Variants in TACC1 observed in about 807,000 individuals in gnomAD.
TACC1 encodes transforming acidic coiled-coil-containing protein 1.
TACC1 carries 48 observed loss-of-function variants against 84.4 expected under a neutral mutation model. That is an observed-to-expected ratio of 0.57 (90% CI 0.45 to 0.72). The LOEUF is 0.72. Ranked by LOEUF, TACC1 falls within the 30% of genes least tolerant of loss-of-function variation. TACC1 has a pLI of 0.00. For missense variants in TACC1, 920 were observed against 973.0 expected, an observed-to-expected ratio of 0.95 and a Z score of 0.72; for synonymous variants, 372 against 376.3, an observed-to-expected ratio of 0.99 and a Z score of 0.13.
intron 2 of TACC1, among the ~76,000 whole-genome samples, chr8:38,800,338 A>C (rs1309422742): frequency 6.6e-6 from 1 of 152,164 alleles, no homozygotes; most frequent in Non-Finnish European, 1.5e-5. Context: ...TTGTACAACT[A>C]TTATCTCAAT....
At chr8:38,804,281 A>G (rs1266820844) in intron 2 of TACC1, among the ~76,000 whole-genome samples, 1 of 151,992 alleles carries the variant, frequency 6.6e-6, no homozygotes, top group Non-Finnish European at 1.5e-5. Context: ...AGAGTAGCCC[A>G]CTGTTAGCAC....
At chr8:38,745,255 C>T in exon 3 of TACC1, 1 of 476,458 alleles carries the variant, frequency 2.1e-6, no homozygotes, top group Non-Finnish European at 3.7e-6. Flanking sequence ...GCTGCCTCCC[C>T]AGAAACAGAG....
Position 38,819,807 on chromosome 8 carries a change from C to G in TACC1, c.563C>G (p.Pro188Arg). Residue 188 changes from proline (P) to arginine (R), a missense_variant, in exon 3 of 13, where the codon CCA becomes CGA. Physicochemically the swap from Pro to Arg is moderately radical, Grantham distance 103. Around this residue, in one of 2 missense-constraint regions of TACC1, gnomAD observed 762 missense variants for 747.3 expected, o/e 1.02. Coordinates refer to ENST00000317827, the MANE Select transcript of TACC1 (RefSeq NM_006283.3). ...GGCAAGGCTCTGCCTTCCAGCCCGCCAGACGCCCTCCAGGACGAGGCGATG... is the reference window on the plus strand; with the variant it reads ...GGCAAGGCTCTGCCTTCCAGCCCGCGAGACGCCCTCCAGGACGAGGCGATG... Reference protein sequence around the residue: ...VSGKALPSSPPDALQDEAMTE... With the variant: ...VSGKALPSSPRDALQDEAMTE... 1 of 1,613,974 alleles carries G rather than the reference C, an allele frequency of 6.2e-7. No individual in the cohort carries two copies. Among genetic ancestry groups the G allele is most frequent in the South Asian group, 1.1e-5 (1 of 91,084 alleles).
chr8:38,729,555 A>C (rs1002875786), intron 1 of TACC1, among the ~76,000 whole-genome samples: 1 of 152,180 alleles, frequency 6.6e-6, no homozygotes, highest in Non-Finnish European at 1.5e-5. Flanking sequence ...TCTCTTAGAA[A>C]ATGGCTTTTG....
chr8:38,789,629 G>A (rs766463373), intron 2 of TACC1, among the ~76,000 whole-genome samples: 4 of 152,200 alleles, frequency 2.6e-5, no homozygotes, highest in African/African-American at 9.7e-5. Context: ...GATAGGGAAG[G>A]CTGAAGGGGA....
intron 1 of TACC1, among the ~76,000 whole-genome samples, chr8:38,733,917 G>T: frequency 6.6e-6 from 1 of 152,316 alleles, no homozygotes; most frequent in African/African-American, 2.4e-5. Flanking sequence ...TTCTGGGAGA[G>T]TTTTTTAAAA....
In TACC1 at chr8:38,820,485, C is replaced by T. The variant is rs745936693; in HGVS notation, c.1241C>T (p.Ser414Phe). 1.4e-5 allele frequency: 23 copies of T among 1,614,092 alleles called. No individual in the cohort carries two copies. The Middle Eastern group carries it at 6.6e-4, about 46-fold the overall frequency. ...QNSPPLSSEG[S>F]YHFDPDNFDE... Reference sequence around the variant, plus strand: ...TCCCCACCCCTCTCTTCTGAGGGCTCCTACCACTTTGACCCAGATAACTTT... The same window carrying T: ...TCCCCACCCCTCTCTTCTGAGGGCTTCTACCACTTTGACCCAGATAACTTT... Residue 414 changes from serine to phenylalanine, a missense_variant, in exon 3 of 13, where the codon TCC becomes TTC. Physicochemically the swap from Ser to Phe is radical, Grantham distance 155. Transcript: ENST00000317827.
chr8:38,775,745 C>A (rs574210692), intron 3 of TACC1, among the ~76,000 whole-genome samples: 1 of 152,264 alleles, frequency 6.6e-6, no homozygotes, highest in East Asian at 1.9e-4. Flanking sequence ...ATCATTTGTT[C>A]AGAAAATAAT....
At position 38,758,755 on chromosome 8, in the gene TACC1, A is replaced by G. The variant is rs533482085; in HGVS notation, c.26+13262A>G. Among the ~76,000 whole-genome samples the G allele has an allele frequency of 5.4e-5, 8 of 148,838 alleles. 1 individual carries two copies. Among genetic ancestry groups the G allele is most frequent in the African/African-American group, 2.0e-4 (8 of 40,640 alleles). ...TGTGCAAAACACTTCTAAATGCCCC[A>G]CATGTTATTTAACCCCCAAGAGCCA... On this transcript the variant is annotated intron_variant, in intron 3 of 14. Transcript: ENST00000518415.
At position 38,848,210 on chromosome 8, in the gene TACC1, G is replaced by C; in HGVS notation, c.*187G>C. Reference sequence around the variant, plus strand: ...ACAGCCCTGGAAGAAACCCTAGAGGGTTGCATAGTCTAGAAAGGAGTGTGA... The same window carrying C: ...ACAGCCCTGGAAGAAACCCTAGAGGCTTGCATAGTCTAGAAAGGAGTGTGA... On this transcript the variant is annotated 3_prime_UTR_variant, in exon 13 of 13. Coordinates refer to ENST00000317827, the MANE Select transcript of TACC1 (RefSeq NM_006283.3). 1.8e-6 allele frequency: 1 copy of C among 552,490 alleles called. No homozygotes were observed. The highest frequency in any genetic ancestry group is 3.2e-6 in the Non-Finnish European group (1 of 314,696). The allele number at this position is 552,490 out of a possible 1,614,324, so 34.2% of individuals were successfully genotyped here.
At chr8:38,845,729 C>T (rs892254880) in intron 11 of TACC1, among the ~76,000 whole-genome samples, 2 of 152,192 alleles carry the variant, frequency 1.3e-5, no homozygotes, top group African/African-American at 2.4e-5. Flanking sequence ...GGCATTGCTG[C>T]GTTGGAGGGC....
chr8:38,841,901 G>A (rs976117659), intron 9 of TACC1, among the ~76,000 whole-genome samples: 6 of 152,148 alleles, frequency 3.9e-5, no homozygotes, highest in African/African-American at 1.2e-4. Context: ...CTAAATTGCC[G>A]AAATGATACT....
chr8:38,801,147 A>G (rs1328403598), intron 2 of TACC1, among the ~76,000 whole-genome samples: 1 of 152,154 alleles, frequency 6.6e-6, no homozygotes, highest in African/African-American at 2.4e-5. Flanking sequence ...CAAATTCCTT[A>G]TTAGATATGT....
At chr8:38,780,975 T>A (rs990417688) in intron 3 of TACC1, among the ~76,000 whole-genome samples, 1 of 152,222 alleles carries the variant, frequency 6.6e-6, no homozygotes, top group Admixed American at 6.5e-5. Context: ...GTTACTGTAA[T>A]GAAATTCCCC....
intron 2 of TACC1, among the ~76,000 whole-genome samples, chr8:38,801,484 A>G (rs910697017): frequency 1.3e-5 from 2 of 152,208 alleles, no homozygotes; most frequent in African/African-American, 4.8e-5. Context: ...TCTTTTCCCT[A>G]TACAATTAAC....
At chr8:38,832,249 G>A (rs1328732422) in intron 6 of TACC1, among the ~76,000 whole-genome samples, 2 of 152,242 alleles carry the variant, frequency 1.3e-5, no homozygotes, top group Non-Finnish European at 2.9e-5. Context: ...TAAAGTGCTA[G>A]AATACACTAG....
chr8:38,841,940 C>T, intron 9 of TACC1, among the ~76,000 whole-genome samples: 1 of 152,300 alleles, frequency 6.6e-6, no homozygotes, highest in South Asian at 2.1e-4. Context: ...CTAATGCCTT[C>T]CCAGCTCAGG....
intron 1 of TACC1, among the ~76,000 whole-genome samples, chr8:38,734,848 G>A (rs941504479): frequency 3.9e-5 from 6 of 152,258 alleles, no homozygotes; most frequent in South Asian, 4.1e-4. Context: ...GCAGGCTGGC[G>A]GGGAGTGGCT....
At chr8:38,729,596 C>T (rs1037650731) in intron 1 of TACC1, among the ~76,000 whole-genome samples, 2 of 152,154 alleles carry the variant, frequency 1.3e-5, no homozygotes, top group Non-Finnish European at 2.9e-5. Context: ...TGGCCGGGCG[C>T]GGTGGCTCAC....
Sources: allele counts gnomAD v4.1 joint callset (sites outside exome capture counted in the v4.1 genomes callset), GRCh38; gene constraint gnomAD v4.1.1; regional missense constraint gnomAD v4.1.1; transcripts MANE v1.5; gene names NCBI Gene and HGNC (gene_info 2026-07-23, HGNC 2026-07-21).